NRXN1: variants seen among roughly 807,000 people sequenced by gnomAD.
The protein encoded by NRXN1 is neurexin-1.
A neutral mutation model predicts 150.9 loss-of-function variants in NRXN1; 39 were observed. That is an observed-to-expected ratio of 0.26 (90% CI 0.20 to 0.34). The LOEUF (loss-of-function observed/expected upper bound fraction) is 0.34. NRXN1 is among the 10% of genes least tolerant of loss of function. The pLI, the probability that NRXN1 is intolerant of heterozygous loss-of-function variation, is 1.00. For missense variants in NRXN1, 1,815 were observed against 1,949.9 expected, an observed-to-expected ratio of 0.93 and a Z score of 1.30; for synonymous variants, 924 against 757.0, an observed-to-expected ratio of 1.22 and a Z score of -3.62.
chr2:50,293,271 C>A (rs957685019), intron 17 of NRXN1, among the ~76,000 whole-genome samples: 5 of 152,026 alleles, frequency 3.3e-5, no homozygotes, highest in Non-Finnish European at 7.4e-5. Flanking sequence ...TCTCTCAGAC[C>A]ACTTCTGATC....
chr2:50,902,745 G>A (rs1480533328), intron 5 of NRXN1, among the ~76,000 whole-genome samples: 1 of 152,080 alleles, frequency 6.6e-6, no homozygotes, highest in Non-Finnish European at 1.5e-5. Context: ...ATGTGAAAAA[G>A]TTTTTATCTT....
chr2:51,018,845 G>A (rs1669141931), intron 2 of NRXN1, among the ~76,000 whole-genome samples: 1 of 152,026 alleles, frequency 6.6e-6, no homozygotes, highest in South Asian at 2.1e-4. Context: ...ATATTATTTA[G>A]TTGCAATATT....
Position 50,098,627 on chromosome 2 carries a change from C to T in NRXN1, c.3547-7133G>A, listed in dbSNP as rs186445568. Among the ~76,000 whole-genome samples, 156 of 152,204 alleles carry T rather than the reference C, an allele frequency of 1.0e-3. 1 individual carries two copies. The highest frequency in any genetic ancestry group is 3.5e-3 in the African/African-American group (147 of 41,546). On this transcript the variant is annotated intron_variant, in intron 18 of 22. Coordinates refer to ENST00000401669, the MANE Select transcript of NRXN1 (RefSeq NM_001330078.2). Reference sequence around the variant, plus strand: ...GAAAGGTAAGTGCCATTGTCTCTATCTCCTTGGAAACTTTAATCTTGCTGA... The same window carrying T: ...GAAAGGTAAGTGCCATTGTCTCTATTTCCTTGGAAACTTTAATCTTGCTGA...
chr2:50,195,031 C>T (rs1463015245), intron 18 of NRXN1, among the ~76,000 whole-genome samples: 2 of 152,086 alleles, frequency 1.3e-5, no homozygotes, highest in East Asian at 1.9e-4. Context: ...TTACACAGAT[C>T]GATTTTCTGT....
chr2:50,167,951 T>A (rs977302422), intron 18 of NRXN1, among the ~76,000 whole-genome samples: 1 of 152,184 alleles, frequency 6.6e-6, no homozygotes, highest in Non-Finnish European at 1.5e-5. Flanking sequence ...ATCTCTGAAG[T>A]AAAATATCCA....
chr2:50,152,440 AGGG>A, intron 18 of NRXN1, among the ~76,000 whole-genome samples: 1 of 151,870 alleles, frequency 6.6e-6, no homozygotes, highest in East Asian at 1.9e-4. Context: ...CCTTAACCAC[AGGG>A]AATATGTTCC....
intron 19 of NRXN1, among the ~76,000 whole-genome samples, chr2:50,089,818 A>G (rs79187696): frequency 0.013 from 2,026 of 152,292 alleles, 46 homozygotes; most frequent in African/African-American, 0.046. Context: ...TTGATAAAGA[A>G]TAAAAATTGA....
chr2:50,581,137 A>G lies in NRXN1; in HGVS notation c.1321-28112T>C, dbSNP rs78224456. On this transcript the variant is annotated intron_variant, in intron 8 of 22. Transcript: ENST00000401669. Reference sequence around the variant, plus strand: ...CAGAAATATATAAATTTATGAATACACAGAAGTTCCCTAAGGACAGTGATT... The same window carrying G: ...CAGAAATATATAAATTTATGAATACGCAGAAGTTCCCTAAGGACAGTGATT... 5.4e-3 allele frequency among the ~76,000 whole-genome samples: 827 copies of G among 152,314 alleles called. 4 individuals carry two copies. The highest frequency in any genetic ancestry group is 0.019 in the African/African-American group (801 of 41,566).
At chr2:50,742,718 T>C (rs1699576762) in intron 5 of NRXN1, among the ~76,000 whole-genome samples, 1 of 152,036 alleles carries the variant, frequency 6.6e-6, no homozygotes, top group East Asian at 1.9e-4. Flanking sequence ...ATAATACTAC[T>C]CACCTAATAG....
chr2:50,979,150 C>G (rs1301404269), intron 2 of NRXN1: 1 of 439,168 alleles, frequency 2.3e-6, no homozygotes, highest in Non-Finnish European at 4.5e-6. Flanking sequence ...CTTGATATAG[C>G]TAAAACACAT....
At chr2:50,687,864 C>T (rs1691479291) in intron 5 of NRXN1, among the ~76,000 whole-genome samples, 1 of 152,118 alleles carries the variant, frequency 6.6e-6, no homozygotes, top group African/African-American at 2.4e-5. Context: ...GCAGAGGAAT[C>T]TGGTAGGGAA....
chr2:50,791,696 C>T (rs1371948630), intron 5 of NRXN1, among the ~76,000 whole-genome samples: 3 of 152,072 alleles, frequency 2.0e-5, no homozygotes, highest in African/African-American at 7.2e-5. Context: ...TGTATAGCCG[C>T]AATTATACTC....
intron 5 of NRXN1, among the ~76,000 whole-genome samples, chr2:50,668,717 G>A (rs1688418147): frequency 6.6e-6 from 1 of 151,982 alleles, no homozygotes; most frequent in Admixed American, 6.6e-5. Context: ...GGAACGCATG[G>A]ATAGCATTAA....
chr2:50,808,551 G>C (rs1008451284), intron 5 of NRXN1, among the ~76,000 whole-genome samples: 1 of 151,908 alleles, frequency 6.6e-6, no homozygotes, highest in African/African-American at 2.4e-5. Context: ...ATGTCTAAAA[G>C]GACCAGGGAG....
intron 18 of NRXN1, among the ~76,000 whole-genome samples, chr2:50,225,039 T>C (rs2064240168): frequency 1.3e-5 from 2 of 151,826 alleles, no homozygotes; most frequent in Admixed American, 6.6e-5. Flanking sequence ...CATAAGAAAA[T>C]AACACAGGAA....
chr2:50,865,896 T>C (rs996795401), intron 5 of NRXN1, among the ~76,000 whole-genome samples: 1 of 151,362 alleles, frequency 6.6e-6, no homozygotes, highest in African/African-American at 2.4e-5. Context: ...CCCAATTGTA[T>C]AGATAAGGAA....
intron 9 of NRXN1, among the ~76,000 whole-genome samples, chr2:50,551,942 T>C (rs1006682930): frequency 6.6e-6 from 1 of 152,140 alleles, no homozygotes; most frequent in Non-Finnish European, 1.5e-5. Context: ...AAATGTGATT[T>C]CTTCGGAGAA....
chr2:50,607,869 C>T (rs1677388167), intron 8 of NRXN1, among the ~76,000 whole-genome samples: 1 of 151,932 alleles, frequency 6.6e-6, no homozygotes, highest in Admixed American at 6.6e-5. Flanking sequence ...CTTAGATAGT[C>T]AACGCACATC....
chr2:50,606,328 T>C (rs1048984159), intron 8 of NRXN1, among the ~76,000 whole-genome samples: 11 of 149,612 alleles, frequency 7.4e-5, no homozygotes, highest in Admixed American at 7.3e-4. Flanking sequence ...TTATGCCAAG[T>C]GAATAAGCCA....
Sources: allele counts gnomAD v4.1 joint callset (sites outside exome capture counted in the v4.1 genomes callset), GRCh38; gene constraint gnomAD v4.1.1; transcripts MANE v1.5; gene names NCBI Gene and HGNC (gene_info 2026-07-23, HGNC 2026-07-21).